The following INPP4B variants were observed in gnomAD, a reference collection of about 807,000 sequenced individuals.
INPP4B encodes the protein inositol polyphosphate 4-phosphatase type II.
INPP4B carries 55 observed loss-of-function variants against 122.5 expected under a neutral mutation model. The ratio of observed to expected loss-of-function variants is 0.45; its 90% CI spans 0.36 to 0.56. The LOEUF (loss-of-function observed/expected upper bound fraction) is 0.56. Among genes scored for constraint, INPP4B ranks in the 20% least tolerant of loss-of-function variants. The pLI, the probability that INPP4B is intolerant of heterozygous loss-of-function variation, is 0.00. For missense variants in INPP4B, 1,000 were observed against 1,097.7 expected (o/e 0.91, Z 1.26); for synonymous variants, 403 against 388.7 (o/e 1.04, Z -0.43).
rs572092121 is a variant in INPP4B at position 142,152,066 on chromosome 4, C to CTTTTTTTTTTTTTTTTTTTTTTTTTTTT, written c.1564-6071_1564-6070insAAAAAAAAAAAAAAAAAAAAAAAAAAAA. 2.6e-4 allele frequency among the ~76,000 whole-genome samples: 18 copies of CTTTTTTTTTTTTTTTTTTTTTTTTTTTT among 69,952 alleles called. 3 individuals are homozygous for CTTTTTTTTTTTTTTTTTTTTTTTTTTTT. The highest frequency in any genetic ancestry group is 1.0e-3 in the African/African-American group (18 of 18,002). 45.9% of individuals were successfully genotyped at this position (69,952 alleles called of 152,430 possible). On this transcript the variant is annotated intron_variant, in intron 17 of 25. Coordinates refer to ENST00000262992, the MANE Select transcript of INPP4B (RefSeq NM_001101669.3). ...TGCCTAACATGCTTTTTTGTCTTTT[C>CTTTTTTTTTTTTTTTTTTTTTTTTTTTT]TTTTTTTTTTTTTTTTTTTTTTTTT...
chr4:142,170,288 T>C (rs929391798), intron 16 of INPP4B, among the ~76,000 whole-genome samples: 1 of 151,728 alleles, frequency 6.6e-6, no homozygotes. Flanking sequence ...CAATTATCCA[T>C]AAGAAGGCAT....
chr4:142,575,945 C>T (rs1733730484), intron 2 of INPP4B, among the ~76,000 whole-genome samples: 1 of 152,042 alleles, frequency 6.6e-6, no homozygotes, highest in Admixed American at 6.6e-5. Flanking sequence ...GCTCAGGTTA[C>T]ATTTAAGAGA....
chr4:142,651,341 G>T lies in INPP4B; in HGVS notation c.-191+74498C>A, dbSNP rs140752728. Among the ~76,000 whole-genome samples the T allele has an allele frequency of 8.9e-3, 1,350 of 152,198 alleles. 25 individuals are homozygous for T. The highest frequency in any genetic ancestry group is 0.031 in the African/African-American group (1,280 of 41,542). ...GAAGCAAGAGCAAACAAATTCAAAA[G>T]CTAGTGGAAGGCAAGAAATAACTAA... On this transcript the variant is annotated intron_variant, in intron 2 of 25. Coordinates refer to ENST00000262992, the MANE Select transcript of INPP4B (RefSeq NM_001101669.3).
At chr4:142,394,062 GT>G (rs1429900068) in intron 7 of INPP4B, among the ~76,000 whole-genome samples, 4 of 152,174 alleles carry the variant, frequency 2.6e-5, no homozygotes, top group Admixed American at 2.6e-4. Context: ...CCGCCATAGT[GT>G]TTTTCTCTGT....
chr4:142,830,274 T>G (rs1781962375), intron 1 of INPP4B, among the ~76,000 whole-genome samples: 1 of 152,176 alleles, frequency 6.6e-6, no homozygotes, highest in African/African-American at 2.4e-5. Flanking sequence ...TTCTAAGGGA[T>G]TAATGCAATT....
chr4:142,193,080 T>C lies in INPP4B; in HGVS notation c.1181+7A>G. 1.3e-6 allele frequency: 2 copies of C among 1,535,850 alleles called. No individual in the cohort carries two copies. Among genetic ancestry groups the C allele is most frequent in the East Asian group, 4.5e-5 (2 of 44,458 alleles). Reference sequence around the variant, plus strand: ...GGAATCTGTGCTTTCCTCCTGTCTTTACTTACTTTCTTCTTTCTGTTTCAA... The same window carrying C: ...GGAATCTGTGCTTTCCTCCTGTCTTCACTTACTTTCTTCTTTCTGTTTCAA... On this transcript the variant is annotated splice_region_variant and intron_variant, in intron 15 of 25. Coordinates refer to ENST00000262992, the MANE Select transcript of INPP4B (RefSeq NM_001101669.3).
chr4:142,528,038 C>A (rs1827156090), intron 2 of INPP4B, among the ~76,000 whole-genome samples: 1 of 151,994 alleles, frequency 6.6e-6, no homozygotes, highest in Non-Finnish European at 1.5e-5. Flanking sequence ...TTAAGACTAT[C>A]TTTGATGAAA....
At chr4:142,694,325 A>G (rs1196650656) in intron 2 of INPP4B, among the ~76,000 whole-genome samples, 1 of 150,974 alleles carries the variant, frequency 6.6e-6, no homozygotes, top group Non-Finnish European at 1.5e-5. Flanking sequence ...GTGAGCCGAG[A>G]TTGTACCACT....
chr4:142,741,898 T>C (rs554685787), intron 1 of INPP4B, among the ~76,000 whole-genome samples: 61 of 152,042 alleles, frequency 4.0e-4, no homozygotes, highest in South Asian at 6.2e-4. Flanking sequence ...AGGCATTTAC[T>C]CTTAAATTTT....
intron 2 of INPP4B, among the ~76,000 whole-genome samples, chr4:142,633,327 A>G (rs1748397556): frequency 6.6e-6 from 1 of 152,156 alleles, no homozygotes; most frequent in Non-Finnish European, 1.5e-5. Flanking sequence ...ACTATAAAAA[A>G]CAAATAGACC....
chr4:142,741,904 A>G (rs996576303), intron 1 of INPP4B, among the ~76,000 whole-genome samples: 21 of 152,018 alleles, frequency 1.4e-4, no homozygotes, highest in African/African-American at 5.1e-4. Flanking sequence ...TTACTCTTAA[A>G]TTTTGTCATC....
chr4:142,639,531 T>TA (rs1407658249), intron 2 of INPP4B, among the ~76,000 whole-genome samples: 5 of 152,206 alleles, frequency 3.3e-5, no homozygotes, highest in Non-Finnish European at 5.9e-5. Flanking sequence ...AGTTGTTTAT[T>TA]AAAATACCTA....
chr4:142,085,196 C>A (rs981424481), intron 24 of INPP4B, among the ~76,000 whole-genome samples: 1 of 152,146 alleles, frequency 6.6e-6, no homozygotes, highest in African/African-American at 2.4e-5. Flanking sequence ...CATATGGGCT[C>A]ATGGTAAATT....
intron 7 of INPP4B, among the ~76,000 whole-genome samples, chr4:142,382,135 A>G (rs1794330105): frequency 6.6e-6 from 1 of 152,090 alleles, no homozygotes; most frequent in Admixed American, 6.6e-5. Context: ...TGAATTTGGG[A>G]CAGTTTCTAT....
At chr4:142,353,820 C>A (rs1050790278) in intron 7 of INPP4B, among the ~76,000 whole-genome samples, 1 of 151,986 alleles carries the variant, frequency 6.6e-6, no homozygotes, top group Non-Finnish European at 1.5e-5. Context: ...GCACAGAATG[C>A]CATTACCTAG....
chr4:142,072,444 T>TTGTGTAACTACATATG (rs2152490621), intron 25 of INPP4B, among the ~76,000 whole-genome samples: 1 of 151,686 alleles, frequency 6.6e-6, no homozygotes, highest in South Asian at 2.1e-4. Context: ...AACCTGCACA[T>TTGTGTAACTACATATG]TGTGCACATG....
At chr4:142,363,956 T>C (rs1304888399) in intron 7 of INPP4B, among the ~76,000 whole-genome samples, 2 of 152,058 alleles carry the variant, frequency 1.3e-5, no homozygotes, top group Non-Finnish European at 2.9e-5. Context: ...GCTCCCATCC[T>C]TGGGCTTGTT....
intron 7 of INPP4B, among the ~76,000 whole-genome samples, chr4:142,371,305 C>G (rs751085922): frequency 1.6e-4 from 25 of 151,958 alleles, no homozygotes; most frequent in Non-Finnish European, 2.6e-4. Flanking sequence ...TCATATGACT[C>G]GAAACTATGA....
chr4:142,362,578 T>C (rs1035356888), intron 7 of INPP4B, among the ~76,000 whole-genome samples: 4 of 151,904 alleles, frequency 2.6e-5, no homozygotes, highest in African/African-American at 9.7e-5. Context: ...GGCTGTTTAA[T>C]AGAAATGTGA....
Sources: allele counts gnomAD v4.1 joint callset (sites outside exome capture counted in the v4.1 genomes callset), GRCh38; gene constraint gnomAD v4.1.1; transcripts MANE v1.5; gene names NCBI Gene and HGNC (gene_info 2026-07-23, HGNC 2026-07-21).